The following ZFHX4 variants were observed in gnomAD, a reference collection of about 807,000 sequenced individuals.
ZFHX4 encodes the protein zinc finger homeobox protein 4.
In ZFHX4, 56 loss-of-function variants were observed where a neutral mutation model predicts 267.6. The observed-to-expected ratio is 0.21, with a 90% CI of 0.17 to 0.26. The LOEUF (loss-of-function observed/expected upper bound fraction) is 0.26, where lower values mean the gene tolerates loss of function less well. Ranked by LOEUF, ZFHX4 falls within the 10% of genes least tolerant of loss-of-function variation. The probability of loss-of-function intolerance (pLI) is 1.00; values close to 1 mark genes in which losing one functional copy is unlikely to be tolerated. For synonymous variants in ZFHX4, 1,778 were observed against 1,665.6 expected (o/e 1.07, Z -1.64); for missense variants, 4,332 against 4,420.0 (o/e 0.98, Z 0.56).
At chr8:76,695,619 C>T (rs1296700696) in intron 1 of ZFHX4, among the ~76,000 whole-genome samples, 1 of 152,180 alleles carries the variant, frequency 6.6e-6, no homozygotes, top group African/African-American at 2.4e-5. Flanking sequence ...TGCAGAAGTT[C>T]TTATCTTTGA....
intron 4 of ZFHX4, among the ~76,000 whole-genome samples, chr8:76,783,623 G>A (rs1810611801): frequency 6.6e-6 from 1 of 151,926 alleles, no homozygotes; most frequent in South Asian, 2.1e-4. Context: ...GCATTATGGT[G>A]TCTTTGAGAA....
intron 6 of ZFHX4, among the ~76,000 whole-genome samples, chr8:76,844,671 CA>C (rs769537906): frequency 3.9e-5 from 6 of 152,036 alleles, no homozygotes; most frequent in Non-Finnish European, 7.4e-5. Flanking sequence ...AGGATATAGA[CA>C]ATAGTATAAT....
At chr8:76,741,247 C>T (rs1443169575) in intron 3 of ZFHX4, among the ~76,000 whole-genome samples, 1 of 152,116 alleles carries the variant, frequency 6.6e-6, no homozygotes, top group East Asian at 1.9e-4. Flanking sequence ...ATTCATTCTC[C>T]AGAGAAGTTT....
chr8:76,687,786 G>A (rs549428247), intron 1 of ZFHX4, among the ~76,000 whole-genome samples: 1 of 152,294 alleles, frequency 6.6e-6, no homozygotes, highest in South Asian at 2.1e-4. Context: ...TGATATAATT[G>A]CTTTTCAGTT....
At chr8:76,727,613 A>G (rs1243722470) in intron 3 of ZFHX4, among the ~76,000 whole-genome samples, 2 of 152,158 alleles carry the variant, frequency 1.3e-5, no homozygotes, top group African/African-American at 2.4e-5. Flanking sequence ...AGCTAAAACA[A>G]CTTTTGGAAC....
chr8:76,690,996 T>C (rs1048535087), intron 1 of ZFHX4, among the ~76,000 whole-genome samples: 3 of 152,060 alleles, frequency 2.0e-5, no homozygotes, highest in Non-Finnish European at 4.4e-5. Flanking sequence ...GCTATTGAAT[T>C]AAAGAGAGTT....
Position 76,854,578 on chromosome 8 carries a change from G to C in ZFHX4, c.7657G>C (p.Gly2553Arg), listed in dbSNP as rs1424216160. The C allele has an allele frequency of 6.2e-7, 1 of 1,613,526 alleles. No homozygotes were observed. The highest frequency in any genetic ancestry group is 8.5e-7 in the Non-Finnish European group (1 of 1,179,810). ...TCCGCTGATGACTGGACAACTGCTG[G>C]GCAGTTCCCTCACTCAAATGCCCCC... ...NNPLMTGQLL[G>R]SSLTQMPPQA... is the part of the protein sequence containing the mutation. Residue 2553 changes from glycine to arginine, a missense_variant, in exon 10 of 11, where the codon GGC becomes CGC. Gly to Arg is a moderately radical substitution (Grantham distance 125). This residue lies in a region of ZFHX4 where 1,648 missense variants were observed against 1,625.0 expected (regional missense o/e 1.01). Coordinates refer to ENST00000651372, the MANE Select transcript of ZFHX4 (RefSeq NM_024721.5).
rs193050891 is a variant in ZFHX4, at chr8:76,752,907, T to G, written c.3094-25301T>G. 1.8e-3 allele frequency among the ~76,000 whole-genome samples: 276 copies of G among 152,284 alleles called. 1 individual carries two copies. Among genetic ancestry groups the G allele is most frequent in the South Asian group, 9.7e-3 (47 of 4,830 alleles). On this transcript the variant is annotated intron_variant, in intron 3 of 10. Coordinates refer to ENST00000651372, the MANE Select transcript of ZFHX4 (RefSeq NM_024721.5). Reference sequence around the variant, plus strand: ...TTCGTGAATTGTACAATTCCTAAATTGACATAGCTGATCTACCACCATAGT... The same window carrying G: ...TTCGTGAATTGTACAATTCCTAAATGGACATAGCTGATCTACCACCATAGT...
chr8:76,722,748 T>C (rs977983069), intron 3 of ZFHX4, among the ~76,000 whole-genome samples: 4 of 152,048 alleles, frequency 2.6e-5, no homozygotes, highest in African/African-American at 9.7e-5. Context: ...AAGCTTTCCT[T>C]ATGTGTGGAA....
chr8:76,781,451 C>A (rs982725662), intron 4 of ZFHX4, among the ~76,000 whole-genome samples: 2 of 151,852 alleles, frequency 1.3e-5, no homozygotes, highest in Non-Finnish European at 2.9e-5. Context: ...TTCAAAACGA[C>A]AAAACAACCA....
chr8:76,782,100 A>ATTTTTTTTTTTTTTTT (rs77420241), intron 4 of ZFHX4: 50 of 236,756 alleles, frequency 2.1e-4, no homozygotes, highest in South Asian at 3.5e-4. Context: ...TCAGTTAAGA[A>ATTTTTTTTTTTTTTTT]TTTTTTTTTT....
intron 3 of ZFHX4, among the ~76,000 whole-genome samples, chr8:76,725,385 C>T (rs935698705): frequency 3.3e-5 from 5 of 152,096 alleles, no homozygotes; most frequent in African/African-American, 1.2e-4. Flanking sequence ...TCTGTACTGG[C>T]CACAAGAGCT....
chr8:76,820,301 C>T (rs1811615568), intron 4 of ZFHX4, among the ~76,000 whole-genome samples: 1 of 151,916 alleles, frequency 6.6e-6, no homozygotes, highest in South Asian at 2.1e-4. Context: ...CATTTTTTTA[C>T]TTTTGAATTC....
rs763235796 is a variant in ZFHX4, at chr8:76,705,649, G to A, written c.1561G>A (p.Gly521Ser). 5.6e-6 allele frequency: 9 copies of A among 1,613,796 alleles called. No homozygotes were observed. The highest frequency in any genetic ancestry group is 6.8e-6 in the Non-Finnish European group (8 of 1,179,880). Reference sequence around the variant, plus strand: ...CAGTGTGCTAAAATTTATTGAAAAGGGTACCTCGTCCTCCTCGGCGACTGT... The same window carrying A: ...CAGTGTGCTAAAATTTATTGAAAAGAGTACCTCGTCCTCCTCGGCGACTGT... The part of the protein sequence containing the change: ...SSSVLKFIEK[G>S]TSSSSATVSD... The change falls in exon 2 of 11, where the codon GGT (glycine) becomes AGT (serine). Residue 521 changes from glycine (G) to serine (S), a missense_variant. Physicochemically the swap from Gly to Ser is moderately conservative, Grantham distance 56. Coordinates refer to ENST00000651372, the MANE Select transcript of ZFHX4 (RefSeq NM_024721.5).
intron 4 of ZFHX4, among the ~76,000 whole-genome samples, chr8:76,783,033 C>T (rs1810592764): frequency 6.6e-6 from 1 of 152,010 alleles, no homozygotes; most frequent in South Asian, 2.1e-4. Context: ...AGAAAGGTCT[C>T]TTATTCCTAC....
At position 76,863,205 on chromosome 8, in the gene ZFHX4, C is replaced by T. The variant is rs761105110; in HGVS notation, c.9491C>T (p.Pro3164Leu). 1.9e-6 allele frequency: 3 copies of T among 1,570,746 alleles called. No individual in the cohort carries two copies. Among genetic ancestry groups the T allele is most frequent in the South Asian group, 2.3e-5 (2 of 86,026 alleles). Residue 3164 changes from proline (P) to leucine (L), a missense_variant, in exon 11 of 11, where the codon CCT becomes CTT. Pro to Leu is a moderately conservative substitution (Grantham distance 98, BLOSUM62 -3). Around this residue, in one of 7 missense-constraint regions of ZFHX4, gnomAD observed 1,648 missense variants for 1,625.0 expected, o/e 1.01. Transcript: ENST00000651372. ...AAACCTTTGCTGCAGACTCCACCAC[C>T]TCCACCACCTCCTCCTCCTCCTCCT... ...PTKPLLQTPP[P>L]PPPPPPPPPS...
At chr8:76,709,785 G>A (rs1205158112) in intron 3 of ZFHX4, among the ~76,000 whole-genome samples, 3 of 141,754 alleles carry the variant, frequency 2.1e-5, no homozygotes, top group African/African-American at 8.2e-5. Context: ...ATGTGTGCGT[G>A]TGTGTGCGTG....
intron 4 of ZFHX4, among the ~76,000 whole-genome samples, chr8:76,817,010 G>T (rs1029815905): frequency 6.6e-6 from 1 of 152,060 alleles, no homozygotes; most frequent in African/African-American, 2.4e-5. Context: ...AACAGTTTGA[G>T]AAATGGCAGA....
At chr8:76,784,404 T>G (rs988688870) in intron 4 of ZFHX4, among the ~76,000 whole-genome samples, 1 of 152,014 alleles carries the variant, frequency 6.6e-6, no homozygotes, top group African/African-American at 2.4e-5. Context: ...TGGTCCCTAA[T>G]GTATGTAAGA....
Sources: allele counts gnomAD v4.1 joint callset (sites outside exome capture counted in the v4.1 genomes callset), GRCh38; gene constraint gnomAD v4.1.1; regional missense constraint gnomAD v4.1.1; transcripts MANE v1.5; gene names NCBI Gene and HGNC (gene_info 2026-07-23, HGNC 2026-07-21).